Variants in ZNF423 observed in about 807,000 individuals in gnomAD.
The protein encoded by ZNF423 is zinc finger protein 423.
In ZNF423, 12 loss-of-function variants were observed where a neutral mutation model predicts 95.8. That is an observed-to-expected ratio of 0.13 (90% CI 0.08 to 0.20). The LOEUF (loss-of-function observed/expected upper bound fraction) is 0.20. Among genes scored for constraint, ZNF423 ranks in the 10% least tolerant of loss-of-function variants. The pLI is 1.00. For synonymous variants in ZNF423, 749 were observed against 711.9 expected, an observed-to-expected ratio of 1.05 and a Z score of -0.83; for missense variants, 1,316 against 1,737.1, an observed-to-expected ratio of 0.76 and a Z score of 4.31.
chr16:49,842,941 T>C (rs1203631011), intron 1 of ZNF423, among the ~76,000 whole-genome samples: 2 of 147,158 alleles, frequency 1.4e-5, no homozygotes, highest in African/African-American at 5.1e-5. Flanking sequence ...ATCACGCCAT[T>C]GCACTCCAGC....
chr16:49,768,466 G>A (rs1311565479), intron 2 of ZNF423, among the ~76,000 whole-genome samples: 3 of 152,192 alleles, frequency 2.0e-5, no homozygotes, highest in South Asian at 2.1e-4. Flanking sequence ...TCAAGGTCAC[G>A]GCACATGTAC....
intron 1 of ZNF423, among the ~76,000 whole-genome samples, chr16:49,811,353 A>G (rs963543633): frequency 1.3e-5 from 2 of 152,022 alleles, no homozygotes; most frequent in Admixed American, 1.3e-4. Context: ...TGGGATCTCA[A>G]ATGATCGCAG....
chr16:49,630,017 C>A lies in ZNF423; in HGVS notation c.3517-3763G>T, dbSNP rs956020337. Among the ~76,000 whole-genome samples, 12 of 152,354 alleles carry A rather than the reference C, an allele frequency of 7.9e-5. 1 individual carries two copies. Among genetic ancestry groups the A allele is most frequent in the African/African-American group, 2.9e-4 (12 of 41,578 alleles). On this transcript the variant is annotated intron_variant, in intron 4 of 7. Transcript: ENST00000563137. ...GGACCTGCTCTGACAAAACCAGGGG[C>A]CTTTCCCACAGTGTTTCAGAAGACC...
Position 49,635,588 on chromosome 16 carries a change from C to G in ZNF423, c.3516+72G>C, listed in dbSNP as rs909716941. 1.3e-6 allele frequency: 2 copies of G among 1,489,652 alleles called. No homozygotes were observed. The highest frequency in any genetic ancestry group is 1.8e-6 in the Non-Finnish European group (2 of 1,120,026). The allele number at this position is 1,489,652 out of a possible 1,614,324, so 92.3% of individuals were successfully genotyped here. A position where few individuals can be genotyped will look rare whatever the true frequency, so the allele number is the denominator to read the frequency against. On this transcript the variant is annotated intron_variant, in intron 4 of 7. Transcript: ENST00000563137. The surrounding 1 kb of genome is among the most constrained non-coding windows in gnomAD (Gnocchi z 4.8). ...TCTTGGAAACACGGCACTCAGGGTA[C>G]GTGGCTCCTGTGGGGACCAGAGGAG...
chr16:49,815,880 AAATATATAT>A (rs1163775618), intron 1 of ZNF423, among the ~76,000 whole-genome samples: 61 of 63,830 alleles, frequency 9.6e-4, no homozygotes, highest in Non-Finnish European at 1.5e-3. Flanking sequence ...CAAAAAAAAA[AAATATATAT>A]ATATATATAT....
intron 2 of ZNF423, among the ~76,000 whole-genome samples, chr16:49,784,274 A>G (rs919583061): frequency 7.9e-5 from 12 of 151,948 alleles, no homozygotes; most frequent in African/African-American, 2.9e-4. Context: ...GGTGACACAC[A>G]CCTGTAGTCC....
chr16:49,770,582 G>A (rs945197806), intron 2 of ZNF423, among the ~76,000 whole-genome samples: 5 of 152,130 alleles, frequency 3.3e-5, no homozygotes, highest in Non-Finnish European at 1.5e-5. Flanking sequence ...GGCCCCCCCA[G>A]AAGACTCACG....
rs111280192 is a variant in ZNF423, at chr16:49,837,364, C to T, written c.40+18371G>A. ...GGCAAATGAAGAGGGACAACCCCTC[C>T]CCAGACCCCCACAACCTACTCCCTG... On this transcript the variant is annotated intron_variant, in intron 1 of 7. Transcript: ENST00000563137. 1.3e-3 allele frequency among the ~76,000 whole-genome samples: 195 copies of T among 152,258 alleles called. 1 individual carries two copies. Among genetic ancestry groups the T allele is most frequent in the African/African-American group, 4.2e-3 (175 of 41,564 alleles).
intron 3 of ZNF423, among the ~76,000 whole-genome samples, chr16:49,642,806 T>C (rs920218190): frequency 3.0e-4 from 43 of 143,448 alleles, no homozygotes; most frequent in African/African-American, 9.0e-4. Flanking sequence ...CTTTTCTTTT[T>C]TTTTTTTTTT....
At chr16:49,615,891 C>T (rs1219510816) in intron 5 of ZNF423, among the ~76,000 whole-genome samples, 1 of 152,200 alleles carries the variant, frequency 6.6e-6, no homozygotes, top group African/African-American at 2.4e-5. Flanking sequence ...ACAAAAAATG[C>T]TTTGATGAGA....
intron 5 of ZNF423, among the ~76,000 whole-genome samples, chr16:49,572,983 T>G (rs1341832066): frequency 3.3e-5 from 5 of 152,144 alleles, no homozygotes; most frequent in Admixed American, 2.0e-4. Context: ...AGGCTCTCCA[T>G]AAGGGAGAGC....
chr16:49,575,785 C>A (rs1970478066), intron 5 of ZNF423, among the ~76,000 whole-genome samples: 1 of 152,186 alleles, frequency 6.6e-6, no homozygotes, highest in African/African-American at 2.4e-5. Flanking sequence ...TCTTGTTTGG[C>A]AGGACCAGGT....
intron 7 of ZNF423, among the ~76,000 whole-genome samples, chr16:49,510,139 C>T (rs1385023544): frequency 1.3e-5 from 2 of 152,358 alleles, no homozygotes; most frequent in East Asian, 3.9e-4. Flanking sequence ...TCAACTCTGC[C>T]AATTCCACCT....
intron 3 of ZNF423, among the ~76,000 whole-genome samples, chr16:49,666,791 G>A (rs188288041): frequency 6.6e-6 from 1 of 152,298 alleles, no homozygotes; most frequent in East Asian, 1.9e-4. Context: ...CCCTGGAGTA[G>A]TTTCTCTACG....
intron 3 of ZNF423, among the ~76,000 whole-genome samples, chr16:49,680,824 G>A (rs729473): frequency 0.03 from 4,563 of 152,278 alleles, 116 homozygotes; most frequent in African/African-American, 0.068. Flanking sequence ...AGCCTGCCAG[G>A]TCAAGGGTGC....
intron 3 of ZNF423, among the ~76,000 whole-genome samples, chr16:49,712,420 A>G (rs118112840): frequency 4.4e-4 from 67 of 152,356 alleles, no homozygotes; most frequent in Middle Eastern, 3.4e-3. Flanking sequence ...AACAATAGAA[A>G]GAGAATTTGA....
At chr16:49,718,712 T>A (rs1317325340) in intron 3 of ZNF423, among the ~76,000 whole-genome samples, 1 of 152,162 alleles carries the variant, frequency 6.6e-6, no homozygotes, top group Non-Finnish European at 1.5e-5. Context: ...GGCGCATTTC[T>A]CATAGACAAC....
intron 3 of ZNF423, among the ~76,000 whole-genome samples, chr16:49,710,565 A>C (rs979288333): frequency 6.6e-6 from 1 of 152,336 alleles, no homozygotes; most frequent in Admixed American, 6.5e-5. Context: ...CCATCCCTGC[A>C]TCCTCTCCAT....
intron 1 of ZNF423, among the ~76,000 whole-genome samples, chr16:49,829,307 G>C (rs1273628432): frequency 2.0e-5 from 3 of 152,162 alleles, no homozygotes; most frequent in African/African-American, 7.2e-5. Flanking sequence ...AGATACCCCT[G>C]AAATGGAAGG....
Sources: gnomAD v4.1 joint callset for allele counts (sites outside exome capture counted in the v4.1 genomes callset) on GRCh38, gnomAD v4.1.1 for gene constraint, Gnocchi (gnomAD v3.1) non-coding constraint, MANE v1.5 for transcripts, NCBI Gene and HGNC (gene_info 2026-07-23, HGNC 2026-07-21) for gene names.